Variants in GSDME observed in about 807,000 individuals in gnomAD.
The protein encoded by GSDME is gasdermin E, also known as gasdermin-E.
In GSDME, 44 loss-of-function variants were observed where a neutral mutation model predicts 47.5. The observed-to-expected ratio is 0.93, with a 90% confidence interval of 0.73 to 1.19. GSDME has a LOEUF of 1.19. Among genes scored for constraint, GSDME ranks in the 50% most tolerant of loss-of-function variants. The pLI, the probability that GSDME is intolerant of heterozygous loss-of-function variation, is 0.00. For missense variants in GSDME, 663 were observed against 604.2 expected (o/e 1.10, Z -1.02); for synonymous variants, 258 against 252.8 (o/e 1.02, Z -0.20).
chr7:24,718,947 G>C, intron 4 of GSDME, 100 bp downstream of exon 4: 1 of 1,345,214 alleles, frequency 7.4e-7, no homozygotes, highest in South Asian at 1.2e-5. Flanking sequence ...ACTTGCTACG[G>C]AAAGAGTCCT....
the GSDME span, among the ~76,000 whole-genome samples, chr7:24,786,523 C>T: frequency 2.8e-4 from 42 of 152,266 alleles, no homozygotes; most frequent in East Asian, 6.7e-3. This position sits in a 1 kb window ranked among gnomAD's most constrained non-coding sequence, Gnocchi z 5.5. Context: ...TGTTGTGAGG[C>T]TTTCGGAGTG....
chr7:24,699,155 T>G lies in GSDME; in HGVS notation c.1362A>C (p.Ser454=), dbSNP rs2128044492. The G allele has an allele frequency of 6.2e-7, 1 of 1,614,198 alleles. No homozygotes were observed. The highest frequency in any genetic ancestry group is 8.5e-7 in the Non-Finnish European group (1 of 1,180,028). The part of the protein sequence containing the change: ...RFGIVQRLFA[S]ADISLERLKS... ...TCAGTCTCTCCAGACTAATGTCAGC[T>G]GAGGCAAACAAGCGCTGCACAATCC... Residue 454 remains serine (S), a synonymous_variant, in exon 10 of 10, where the codon TCA becomes TCC. Coordinates refer to ENST00000645220, the MANE Select transcript of GSDME (RefSeq NM_001127453.2).
At position 24,706,246 on chromosome 7, in the gene GSDME, G is replaced by A. The variant is rs142107866; in HGVS notation, c.1121C>T (p.Pro374Leu). The A allele has an allele frequency of 1.4e-5, 22 of 1,614,066 alleles. No individual in the cohort carries two copies. Among genetic ancestry groups the A allele is most frequent in the Admixed American group, 1.2e-4 (7 of 60,002 alleles). The change falls in exon 8 of 10, where the codon CCC becomes CTC. Residue 374 changes from proline to leucine, a missense_variant. Pro to Leu is a moderately conservative substitution (Grantham distance 98). Transcript: ENST00000645220. Reference protein sequence around the residue: ...GCSLQGGCPGPEDAGSKQLFM... With the variant: ...GCSLQGGCPGLEDAGSKQLFM... ...CAGCTGCTTGCTGCCTGCATCCTCG[G>A]GGCCCGGACACCCACCCTGTAAGCT...
intron 1 of GSDME, among the ~76,000 whole-genome samples, chr7:24,751,715 G>A: frequency 6.6e-6 from 1 of 152,214 alleles, no homozygotes; most frequent in East Asian, 1.9e-4. Context: ...ACTATGCTAT[G>A]CATAAGAATC....
chr7:24,707,749 A>G (rs1789173653), intron 7 of GSDME: 1 of 443,350 alleles, frequency 2.3e-6, no homozygotes, highest in South Asian at 3.4e-5. Flanking sequence ...TGCTGCTGCC[A>G]TGAGCCAGGA....
chr7:24,792,264 C>T, the GSDME span, among the ~76,000 whole-genome samples: 13 of 152,172 alleles, frequency 8.5e-5, 1 homozygote, highest in Admixed American at 3.9e-4. Flanking sequence ...CAGGAAATTA[C>T]AAAAACTGGT....
At position 24,749,726 on chromosome 7, in the gene GSDME, C is replaced by T; in HGVS notation, c.49G>A (p.Gly17Ser). Residue 17 changes from glycine (G) to serine (S), a missense_variant, in exon 2 of 10, where the codon GGT becomes AGT. Gly to Ser is a moderately conservative substitution (Grantham distance 56, BLOSUM62 0). Coordinates refer to ENST00000645220, the MANE Select transcript of GSDME (RefSeq NM_001127453.2). ...RNFLREVDAD[G>S]DLIAVSNLND... ...AGATTTGATACTGCAATCAGGTCAC[C>T]ATCAGCATCAACTTCTCTAAGAAAA... The T allele has an allele frequency of 6.2e-7, 1 of 1,614,146 alleles. No homozygotes were observed. Among genetic ancestry groups the T allele is most frequent in the Non-Finnish European group, 8.5e-7 (1 of 1,180,008 alleles).
rs1790326617 is a variant in GSDME at position 24,736,977 on chromosome 7, C to T, written c.404+7585G>A. Reference sequence around the variant, plus strand: ...TTATTGAAACAAATGATAACAGAAACACAACAGCAAAACCTATGGGGTACA... The same window carrying T: ...TTATTGAAACAAATGATAACAGAAATACAACAGCAAAACCTATGGGGTACA... On this transcript the variant is annotated intron_variant, in intron 3 of 9. Transcript: ENST00000645220. The surrounding 1 kb of genome is among the most constrained non-coding windows in gnomAD (Gnocchi z 4.6). Among the ~76,000 whole-genome samples the T allele has an allele frequency of 6.6e-6, 1 of 151,924 alleles. No homozygotes were observed. The highest frequency in any genetic ancestry group is 1.5e-5 in the Non-Finnish European group (1 of 67,962).
In GSDME at chr7:24,714,832, A is replaced by C. The variant is rs1225397101; in HGVS notation, c.697+2422T>G. On this transcript the variant is annotated intron_variant, in intron 5 of 9. Transcript: ENST00000645220. This position sits in a 1 kb window ranked among gnomAD's most constrained non-coding sequence, Gnocchi z 5.0. ...GGACCACCACCTAGAGTGGCAGCCCAGGCCTGGGTCCCCGCCACCGAAGGG... is the reference window on the plus strand; with the variant it reads ...GGACCACCACCTAGAGTGGCAGCCCCGGCCTGGGTCCCCGCCACCGAAGGG... Among the ~76,000 whole-genome samples, 1 of 152,178 alleles carries C rather than the reference A, an allele frequency of 6.6e-6. No individual in the cohort carries two copies. The highest frequency in any genetic ancestry group is 1.5e-5 in the Non-Finnish European group (1 of 68,028).
intron 3 of GSDME, among the ~76,000 whole-genome samples, chr7:24,737,410 T>G (rs1790344829): frequency 6.6e-6 from 1 of 151,334 alleles, no homozygotes; most frequent in African/African-American, 2.4e-5. Flanking sequence ...ATGAATAAAT[T>G]CCTAGACACA....
At chr7:24,738,253 AGC>A (rs1303284342) in intron 3 of GSDME, among the ~76,000 whole-genome samples, 5 of 152,190 alleles carry the variant, frequency 3.3e-5, no homozygotes, top group African/African-American at 1.2e-4. Context: ...AAACTATTAA[AGC>A]CAATAAACAA....
chr7:24,773,288 T>C, the GSDME span, among the ~76,000 whole-genome samples: 46 of 152,400 alleles, frequency 3.0e-4, no homozygotes, highest in Non-Finnish European at 6.0e-4. The surrounding 1 kb of genome is among the most constrained non-coding windows in gnomAD (Gnocchi z 5.4). Context: ...GCCTTAATTC[T>C]GTTCTATGAT....
At chr7:24,780,799 C>A in the GSDME span, among the ~76,000 whole-genome samples, 1 of 152,196 alleles carries the variant, frequency 6.6e-6, no homozygotes, top group Admixed American at 6.5e-5. This position sits in a 1 kb window ranked among gnomAD's most constrained non-coding sequence, Gnocchi z 4.1. Context: ...GGCATGCTGC[C>A]TCTTCTGGAG....
Position 24,713,346 on chromosome 7 carries a change from G to C in GSDME, c.698-2958C>G, listed in dbSNP as rs73288048. On this transcript the variant is annotated intron_variant, in intron 5 of 9. Transcript: ENST00000645220. ...CAGGGGAAGGTTGGAAAATCCTTCA[G>C]AGGTTTTATGACCTGCTACAGGGAG... 8.0e-3 allele frequency among the ~76,000 whole-genome samples: 1,219 copies of C among 152,278 alleles called. 15 individuals carry two copies. The highest frequency in any genetic ancestry group is 0.028 in the African/African-American group (1,146 of 41,546).
At chr7:24,746,336 A>C (rs764039679) in intron 2 of GSDME, among the ~76,000 whole-genome samples, 1 of 152,210 alleles carries the variant, frequency 6.6e-6, no homozygotes, top group Non-Finnish European at 1.5e-5. Context: ...TCCCTACTCT[A>C]ATATTACTAA....
In GSDME at chr7:24,745,032, TGTGG is replaced by T. The variant is rs1263855461; in HGVS notation, c.212-282_212-279del. Reference sequence around the variant, plus strand: ...GTGTGTGTGTGTGTGTGTGTGTGTGTGTGGACCACGGGCACACAGTGGACCAGTG... The same window carrying T: ...GTGTGTGTGTGTGTGTGTGTGTGTGTACCACGGGCACACAGTGGACCAGTG... On this transcript the variant is annotated intron_variant, in intron 2 of 9. Transcript: ENST00000645220. The surrounding 1 kb of genome is among the most constrained non-coding windows in gnomAD (Gnocchi z 4.4). Among the ~76,000 whole-genome samples the T allele has an allele frequency of 3.0e-5, 4 of 132,808 alleles. No homozygotes were observed. The highest frequency in any genetic ancestry group is 1.2e-4 in the African/African-American group (4 of 33,048). 87.1% of individuals were successfully genotyped at this position (132,808 alleles called of 152,430 possible).
the GSDME span, among the ~76,000 whole-genome samples, chr7:24,763,022 AGGATGCAT>A: frequency 2.8e-4 from 42 of 152,298 alleles, no homozygotes; most frequent in African/African-American, 9.6e-4. This position sits in a 1 kb window ranked among gnomAD's most constrained non-coding sequence, Gnocchi z 4.3. Context: ...TTTCGGGTAC[AGGATGCAT>A]TCCAACACTC....
intron 2 of GSDME, among the ~76,000 whole-genome samples, chr7:24,746,256 T>A (rs749840611): frequency 6.6e-6 from 1 of 152,180 alleles, no homozygotes; most frequent in African/African-American, 2.4e-5. Context: ...TAATATCTCA[T>A]GGAAAACAAA....
At chr7:24,747,029 T>C (rs1790688775) in intron 2 of GSDME, among the ~76,000 whole-genome samples, 1 of 152,204 alleles carries the variant, frequency 6.6e-6, no homozygotes, top group East Asian at 1.9e-4. Flanking sequence ...CGGGGATTCT[T>C]CACCTGCAGT....
Sources: allele counts gnomAD v4.1 joint callset (sites outside exome capture counted in the v4.1 genomes callset), GRCh38; gene constraint gnomAD v4.1.1; non-coding constraint Gnocchi (gnomAD v3.1); transcripts MANE v1.5; gene names NCBI Gene and HGNC (gene_info 2026-07-23, HGNC 2026-07-21).